Variants in SAAL1 observed in about 807,000 individuals in gnomAD.
SAAL1 encodes protein SAAL1.
In SAAL1, 42 loss-of-function variants were observed where a neutral mutation model predicts 59.8. The observed-to-expected ratio is 0.70, with a 90% CI of 0.55 to 0.91. The LOEUF (loss-of-function observed/expected upper bound fraction) is 0.91, where lower values mean the gene tolerates loss of function less well. Among genes scored for constraint, SAAL1 ranks in the 40% least tolerant of loss-of-function variants. The pLI is 0.00. For missense variants in SAAL1, 542 were observed against 561.1 expected, an observed-to-expected ratio of 0.97 and a Z score of 0.34; for synonymous variants, 191 against 194.3, an observed-to-expected ratio of 0.98 and a Z score of 0.14.
At chr11:18,096,651 C>T in intron 3 of SAAL1, 120 bp downstream of exon 3, 1 of 666,332 alleles carries the variant, frequency 1.5e-6, no homozygotes, top group South Asian at 1.7e-5. Context: ...TTAACATCTA[C>T]AGGCTGATTT....
chr11:18,083,894 A>T (rs1212092559), intron 9 of SAAL1, among the ~76,000 whole-genome samples, 163 bp from the exon 10 acceptor site: 1 of 152,258 alleles, frequency 6.6e-6, no homozygotes, highest in East Asian at 1.9e-4. Context: ...TATACTTTCA[A>T]ATAAGTAAAT....
intron 9 of SAAL1, among the ~76,000 whole-genome samples, chr11:18,086,267 C>T (rs756893080): frequency 7.9e-5 from 12 of 151,928 alleles, no homozygotes; most frequent in Non-Finnish European, 1.6e-4. Flanking sequence ...CCAGGTGTGG[C>T]GTCATGTGCC....
At chr11:18,087,758 A>G (rs1252279438) in intron 7 of SAAL1, among the ~76,000 whole-genome samples, 1 of 152,238 alleles carries the variant, frequency 6.6e-6, no homozygotes, top group Non-Finnish European at 1.5e-5. Flanking sequence ...TAGTTCTTCA[A>G]CCAAACAAGT....
At chr11:18,101,159 T>C (rs191905734) in intron 2 of SAAL1, among the ~76,000 whole-genome samples, 3 of 152,340 alleles carry the variant, frequency 2.0e-5, no homozygotes, top group Admixed American at 1.3e-4. Context: ...CCTGGAATTA[T>C]GTCTCATACA....
chr11:18,092,773 T>C (rs150928280), intron 3 of SAAL1, among the ~76,000 whole-genome samples: 1 of 152,266 alleles, frequency 6.6e-6, no homozygotes, highest in East Asian at 1.9e-4. Context: ...GATTAAGGGC[T>C]CTGAATGCCG....
In SAAL1 at chr11:18,090,608, G is replaced by A. The variant is rs887541526; in HGVS notation, c.414-115C>T. On this transcript the variant is annotated intron_variant, in intron 4 of 11. Coordinates refer to ENST00000524803, the MANE Select transcript of SAAL1 (RefSeq NM_138421.3). ...TGAAATACAGCATATATTCAGAAAA[G>A]CTCAAAAGATACAAATCTATAGTTA... 18 of 1,145,542 alleles carry A rather than the reference G, an allele frequency of 1.6e-5. No individual in the cohort carries two copies. In the Admixed American group the frequency reaches 5.3e-4, roughly 34 times the overall value. 71.0% of individuals were successfully genotyped at this position (1,145,542 alleles called of 1,614,324 possible). A position where few individuals can be genotyped will look rare whatever the true frequency, so the allele number is the denominator to read the frequency against.
intron 9 of SAAL1, among the ~76,000 whole-genome samples, chr11:18,084,444 C>T (rs531262150): frequency 2.0e-5 from 3 of 152,350 alleles, no homozygotes; most frequent in Admixed American, 2.0e-4. Flanking sequence ...GCCCTCCATA[C>T]TCTACCTCTC....
In SAAL1 at chr11:18,086,922, A is replaced by T. The variant is rs1848470239; in HGVS notation, c.986T>A (p.Val329Glu). ...CTGTGAGGCATAGATGGCAGACAACACTGAAAAAACAGAGGCTAGCACTGT... is the reference window on the plus strand; with the variant it reads ...CTGTGAGGCATAGATGGCAGACAACTCTGAAAAAACAGAGGCTAGCACTGT... ...QKTVLASVFS[V>E]LSAIYASQTE... Residue 329 changes from valine to glutamate, a missense_variant, in exon 9 of 12, where the codon GTG becomes GAG. Transcript: ENST00000524803. 1 of 1,613,982 alleles carries T rather than the reference A, an allele frequency of 6.2e-7. No homozygotes were observed. The highest frequency in any genetic ancestry group is 1.3e-5 in the African/African-American group (1 of 74,920).
Position 18,083,647 on chromosome 11 carries a change from G to C in SAAL1, c.1127C>G (p.Ser376Cys), listed in dbSNP as rs554388098. Reference protein sequence around the residue: ...CQKKPENSAESNTEETKRTDL... With the variant: ...CQKKPENSAECNTEETKRTDL... ...AGTCCTTTTAGTTTCCTCTGTGTTA[G>C]ACTCTGCCGAGTTCTCTGGTTTTTT... Residue 376 changes from serine (S) to cysteine (C), a missense_variant, in exon 10 of 12, where the codon TCT becomes TGT. Physicochemically the swap from Ser to Cys is moderately radical, Grantham distance 112 (BLOSUM62 -1). Transcript: ENST00000524803. 1 of 1,611,294 alleles carries C rather than the reference G, an allele frequency of 6.2e-7. No individual in the cohort carries two copies. The highest frequency in any genetic ancestry group is 1.7e-5 in the Admixed American group (1 of 60,000).
chr11:18,092,992 A>G (rs545772917), intron 3 of SAAL1, among the ~76,000 whole-genome samples: 7 of 152,056 alleles, frequency 4.6e-5, no homozygotes, highest in Admixed American at 1.3e-4. Flanking sequence ...CTAGAAATAA[A>G]CAATTCATGT....
In SAAL1 at chr11:18,083,706, G is replaced by A. The variant is rs1479045894; in HGVS notation, c.1068C>T (p.Leu356=). ...EKVDLPLIDS[L]IRVLQNMEQC... Reference sequence around the variant, plus strand: ...GTTCCATATTTTGTAAGACCCGAATGAGGCTGTCAATTAGAGGAAGATCTA... The same window carrying A: ...GTTCCATATTTTGTAAGACCCGAATAAGGCTGTCAATTAGAGGAAGATCTA... Residue 356 remains leucine, a synonymous_variant, in exon 10 of 12, where the codon CTC becomes CTT. Transcript: ENST00000524803. 17 of 1,608,248 alleles carry A rather than the reference G, an allele frequency of 1.1e-5. No individual in the cohort carries two copies. The highest frequency in any genetic ancestry group is 2.7e-5 in the African/African-American group (2 of 74,652).
chr11:18,103,537 T>C (rs1848656975), intron 1 of SAAL1, among the ~76,000 whole-genome samples, 191 bp from the exon 2 acceptor site: 1 of 152,202 alleles, frequency 6.6e-6, no homozygotes. Context: ...CTGTTCCAGG[T>C]ACTTTAGTTT....
At chr11:18,083,863 C>A in intron 9 of SAAL1, 132 bp from the exon 10 acceptor site, 2 of 481,590 alleles carry the variant, frequency 4.2e-6, no homozygotes, top group Non-Finnish European at 7.3e-6. Flanking sequence ...AAGATGTCAG[C>A]CCATAAGAGG....
At chr11:18,081,054 T>C (rs1478138555) in intron 11 of SAAL1, among the ~76,000 whole-genome samples, 1 of 152,192 alleles carries the variant, frequency 6.6e-6, no homozygotes, top group Non-Finnish European at 1.5e-5. Flanking sequence ...GTATATTACA[T>C]GATGCCGAGG....
At chr11:18,100,169 A>ACT (rs1848620390) in intron 2 of SAAL1, among the ~76,000 whole-genome samples, 11 of 152,270 alleles carry the variant, frequency 7.2e-5, no homozygotes, top group Admixed American at 7.2e-4. Context: ...AATAGAAAGT[A>ACT]GATCTGAACA....
chr11:18,081,883 C>T (rs1473944301), intron 10 of SAAL1: 2 of 177,262 alleles, frequency 1.1e-5, no homozygotes, highest in Non-Finnish European at 2.4e-5. Flanking sequence ...TCAGATTATT[C>T]TTGAAGATTA....
chr11:18,096,660 T>G (rs1361298655), intron 3 of SAAL1, 111 bp downstream of exon 3: 1 of 685,520 alleles, frequency 1.5e-6, no homozygotes, highest in Non-Finnish European at 2.6e-6. Context: ...ACAGGCTGAT[T>G]TGTTGATTTA....
chr11:18,095,159 C>T (rs577334217), intron 3 of SAAL1, among the ~76,000 whole-genome samples: 94 of 152,174 alleles, frequency 6.2e-4, no homozygotes, highest in African/African-American at 2.2e-3. Context: ...AGTCCCTGTC[C>T]CAGGTGATTC....
chr11:18,098,659 G>C (rs1287994366), intron 2 of SAAL1, among the ~76,000 whole-genome samples: 1 of 152,208 alleles, frequency 6.6e-6, no homozygotes, highest in African/African-American at 2.4e-5. Context: ...AACTGACTGA[G>C]AGAGACACAC....
Sources: gnomAD v4.1 joint callset for allele counts (sites outside exome capture counted in the v4.1 genomes callset) on GRCh38, gnomAD v4.1.1 for gene constraint, MANE v1.5 for transcripts, NCBI Gene and HGNC (gene_info 2026-07-23, HGNC 2026-07-21) for gene names.